Variants in STOML3 observed in about 807,000 individuals in gnomAD.
The protein encoded by STOML3 is stomatin like 3.
In STOML3, 31 loss-of-function variants were observed where a neutral mutation model predicts 29.5. The ratio of observed to expected loss-of-function variants is 1.05; its 90% confidence interval spans 0.79 to 1.42. The LOEUF (loss-of-function observed/expected upper bound fraction) is 1.42, where lower values mean the gene tolerates loss of function less well. STOML3 is among the 40% of genes most tolerant of loss of function. The pLI, the probability that STOML3 is intolerant of heterozygous loss-of-function variation, is 0.00. For missense variants in STOML3, 380 were observed against 363.0 expected, an observed-to-expected ratio of 1.05 and a Z score of -0.38; for synonymous variants, 122 against 139.8, an observed-to-expected ratio of 0.87 and a Z score of 0.90.
At chr13:38,985,045 A>C in intron 1 of STOML3, among the ~76,000 whole-genome samples, 1 of 152,180 alleles carries the variant, frequency 6.6e-6, no homozygotes, top group Non-Finnish European at 1.5e-5. Flanking sequence ...TCTCTCAAAA[A>C]AGTCAATTAA....
Position 38,970,268 on chromosome 13 carries a change from G to C in STOML3, c.433C>G (p.Gln145Glu). 1 of 1,614,200 alleles carries C rather than the reference G, an allele frequency of 6.2e-7. No individual in the cohort carries two copies. Among genetic ancestry groups the C allele is most frequent in the Non-Finnish European group, 8.5e-7 (1 of 1,180,024 alleles). Reference sequence around the variant, plus strand: ...CCTAAGACATTTCTCAGAGTGGTTTGAGCCAGCAGAAATGTTGCTTGATGG... The same window carrying C: ...CCTAAGACATTTCTCAGAGTGGTTTCAGCCAGCAGAAATGTTGCTTGATGG... ...DVHQATFLLA[Q>E]TTLRNVLGTQ... Residue 145 changes from glutamine to glutamate, a missense_variant, in exon 5 of 7, where the codon CAA (glutamine) becomes GAA (glutamate). Transcript: ENST00000379631.
At chr13:38,986,702 A>G (rs1868586046) in intron 1 of STOML3, among the ~76,000 whole-genome samples, 1 of 152,084 alleles carries the variant, frequency 6.6e-6, no homozygotes. Context: ...CTTTTTCTCT[A>G]TGCACACAGC....
At chr13:38,976,266 T>A (rs148734997) in intron 3 of STOML3, among the ~76,000 whole-genome samples, 3 of 152,308 alleles carry the variant, frequency 2.0e-5, no homozygotes, top group Non-Finnish European at 2.9e-5. Flanking sequence ...ATTCAGCCAA[T>A]GTAACCAGAG....
At chr13:38,985,778 A>C (rs932438914) in intron 1 of STOML3, among the ~76,000 whole-genome samples, 51 of 151,926 alleles carry the variant, frequency 3.4e-4, no homozygotes, top group Admixed American at 3.3e-3. Context: ...AGAAACAAAC[A>C]GTAAGATGCA....
At chr13:38,974,868 C>T (rs558986819) in intron 3 of STOML3, among the ~76,000 whole-genome samples, 2 of 152,222 alleles carry the variant, frequency 1.3e-5, no homozygotes, top group African/African-American at 4.8e-5. Flanking sequence ...TTTATTTTAA[C>T]TTATAATCTT....
rs540614520 is a variant in STOML3 at position 38,990,831 on chromosome 13, T to C, written c.-110A>G. On this transcript the variant is annotated 5_prime_UTR_variant, in exon 1 of 7. Coordinates refer to ENST00000379631, the MANE Select transcript of STOML3 (RefSeq NM_145286.3). ...TTGGGAGAGGGGAGAGGAGAAAGTA[T>C]GAGAGAGTGAAAGACATTCCTTCTC... 43 of 937,720 alleles carry C rather than the reference T, an allele frequency of 4.6e-5. No homozygotes were observed. The African/African-American group carries it at 6.5e-4, about 14-fold the overall frequency. 58.1% of individuals were successfully genotyped at this position (937,720 alleles called of 1,614,324 possible). A position where few individuals can be genotyped will look rare whatever the true frequency, so the allele number is the denominator to read the frequency against.
rs754393005 is a variant in STOML3 at position 38,972,646 on chromosome 13, A to G, written c.230-52T>C. 5.9e-6 allele frequency: 9 copies of G among 1,531,738 alleles called. No individual in the cohort carries two copies. In the Admixed American group the frequency reaches 1.5e-4, roughly 26 times the overall value. 94.9% of individuals were successfully genotyped at this position (1,531,738 alleles called of 1,614,324 possible). On this transcript the variant is annotated intron_variant, in intron 3 of 6. Coordinates refer to ENST00000379631, the MANE Select transcript of STOML3 (RefSeq NM_145286.3). ...TGTTGCTCTGTTGAAAATAACTACA[A>G]GTAGTCTCATAGCAGCATAGTGCAT...
Position 38,972,509 on chromosome 13 carries a change from T to G in STOML3, c.312+3A>C. 6.2e-7 allele frequency: 1 copy of G among 1,613,306 alleles called. No homozygotes were observed. On this transcript the variant is annotated splice_donor_region_variant and intron_variant, in intron 4 of 6. Coordinates refer to ENST00000379631, the MANE Select transcript of STOML3 (RefSeq NM_145286.3). ...CGAGTGACATATCCTTAATCAGTAC[T>G]ACCTCTTGTGGAGGAATGTTGCAAG...
intron 3 of STOML3, among the ~76,000 whole-genome samples, chr13:38,973,858 A>G (rs1880978790): frequency 6.6e-6 from 1 of 152,228 alleles, no homozygotes; most frequent in African/African-American, 2.4e-5. Flanking sequence ...GATTCAAGTA[A>G]TAGATTTGGC....
At chr13:38,981,809 G>A (rs1881276343) in intron 1 of STOML3, among the ~76,000 whole-genome samples, 1 of 152,154 alleles carries the variant, frequency 6.6e-6, no homozygotes, top group Admixed American at 6.5e-5. Context: ...ACTCATATGT[G>A]CTGTTGGAAG....
intron 3 of STOML3, 141 bp from the exon 4 acceptor site, chr13:38,972,735 G>A (rs1251246565): frequency 4.4e-6 from 3 of 682,880 alleles, no homozygotes; most frequent in Non-Finnish European, 4.9e-6. Context: ...AAACTCTGAG[G>A]AAAATGATTT....
chr13:38,966,039 C>T lies in STOML3; in HGVS notation c.*786G>A, dbSNP rs1158344904. 4 of 152,198 alleles carry T rather than the reference C, an allele frequency of 2.6e-5. No individual in the cohort carries two copies. The highest frequency in any genetic ancestry group is 2.6e-4 in the Admixed American group (4 of 15,276). 9.4% of individuals were successfully genotyped at this position (152,198 alleles called of 1,614,324 possible). On this transcript the variant is annotated 3_prime_UTR_variant, in exon 7 of 7. Coordinates refer to ENST00000379631, the MANE Select transcript of STOML3 (RefSeq NM_145286.3). ...AAACATTCTCGATTACCTGTGGCTC[C>T]TGGGACTAAGAACAGAGTGAAAACA...
rs1259308287 is a variant in STOML3, at chr13:38,966,737, G to A, written c.*88C>T. The A allele has an allele frequency of 9.1e-7, 1 of 1,094,402 alleles. No homozygotes were observed. Among genetic ancestry groups the A allele is most frequent in the Non-Finnish European group, 1.4e-6 (1 of 729,964 alleles). The allele number at this position is 1,094,402 out of a possible 1,614,324, so 67.8% of individuals were successfully genotyped here. On this transcript the variant is annotated 3_prime_UTR_variant, in exon 7 of 7. Coordinates refer to ENST00000379631, the MANE Select transcript of STOML3 (RefSeq NM_145286.3). ...ATGGAGTTACTGTTACATGAACAGT[G>A]TTGGAATTCTCACCGTTTCTAACTA... is the stretch of plus-strand genomic sequence containing the variant.
chr13:38,968,436 T>C lies in STOML3; in HGVS notation c.615A>G (p.Ala205=). 1 of 1,614,146 alleles carries C rather than the reference T, an allele frequency of 6.2e-7. No individual in the cohort carries two copies. Among genetic ancestry groups the C allele is most frequent in the South Asian group, 1.1e-5 (1 of 91,086 alleles). ...RIPVQLQRSM[A]AEAEATREAR... ...CTTCCCGGGTGGCCTCAGCCTCGGCTGCCATGGATCTCTGCAACTGCACGG... is the reference window on the plus strand; with the variant it reads ...CTTCCCGGGTGGCCTCAGCCTCGGCCGCCATGGATCTCTGCAACTGCACGG... Residue 205 remains alanine, a synonymous_variant, in exon 6 of 7, where the codon GCA becomes GCG. Transcript: ENST00000379631.
Position 38,976,553 on chromosome 13 carries a change from T to A in STOML3, c.216A>T (p.Lys72Asn), listed in dbSNP as rs1487797093. The change falls in exon 3 of 7, where the codon AAA becomes AAT. Residue 72 changes from lysine (K) to asparagine (N), a missense_variant. Lys to Asn is a moderately conservative substitution (Grantham distance 94, BLOSUM62 0). Coordinates refer to ENST00000379631, the MANE Select transcript of STOML3 (RefSeq NM_145286.3). ...CGTCATTCATACCTGGCCCCTTGGC[T>A]TTGTCAGCTTGGATGCGTCCCAGAC... is the stretch of plus-strand genomic sequence containing the variant. ...VFRLGRIQAD[K>N]AKGPGLILVL... 10 of 1,614,216 alleles carry A rather than the reference T, an allele frequency of 6.2e-6. No homozygotes were observed. The highest frequency in any genetic ancestry group is 8.5e-6 in the Non-Finnish European group (10 of 1,180,036).
intron 1 of STOML3, among the ~76,000 whole-genome samples, chr13:38,986,409 T>C (rs1868555319): frequency 6.6e-6 from 1 of 152,124 alleles, no homozygotes; most frequent in South Asian, 2.1e-4. Context: ...CTTTGTGTTA[T>C]CAAAGCAGGG....
At chr13:38,973,428 G>A (rs1473509201) in intron 3 of STOML3, among the ~76,000 whole-genome samples, 1 of 152,146 alleles carries the variant, frequency 6.6e-6, no homozygotes, top group Non-Finnish European at 1.5e-5. Context: ...CTGCAGCCTG[G>A]GAAGTCCAAG....
rs1880746090 is a variant in STOML3, at chr13:38,968,530, A to G, written c.521T>C (p.Leu174Ser). ...CCACAGTTCGGTGGCATCATCAAGTAAAGTCTGTTTCCAAATTAAAAGGGA... is the reference window on the plus strand; with the variant it reads ...CCACAGTTCGGTGGCATCATCAAGTGAAGTCTGTTTCCAAATTAAAAGGGA... ...REEIAHSIQT[L>S]LDDATELWGI... Residue 174 changes from leucine to serine, a missense_variant, in exon 6 of 7, where the codon TTA becomes TCA. Transcript: ENST00000379631. 4 of 1,614,148 alleles carry G rather than the reference A, an allele frequency of 2.5e-6. No individual in the cohort carries two copies. Among genetic ancestry groups the G allele is most frequent in the Non-Finnish European group, 3.4e-6 (4 of 1,179,970 alleles).
chr13:38,976,473 T>C (rs936832993), intron 3 of STOML3, 67 bp downstream of exon 3: 32 of 1,567,966 alleles, frequency 2.0e-5, no homozygotes, highest in Non-Finnish European at 2.5e-5. Context: ...AGGAAAAATA[T>C]TGAAGGTGGT....
Sources: allele counts gnomAD v4.1 joint callset (sites outside exome capture counted in the v4.1 genomes callset), GRCh38; gene constraint gnomAD v4.1.1; transcripts MANE v1.5; gene names NCBI Gene and HGNC (gene_info 2026-07-23, HGNC 2026-07-21).